STK10: variants seen among roughly 807,000 people sequenced by gnomAD.
The protein encoded by STK10 is serine/threonine kinase 10, also known as serine/threonine-protein kinase 10.
In STK10, 78 loss-of-function variants were observed where a neutral mutation model predicts 113.8. The observed-to-expected ratio is 0.69, with a 90% CI of 0.57 to 0.83. The LOEUF is 0.83. STK10 is among the 40% of genes least tolerant of loss of function. The pLI is 0.00. For missense variants in STK10, 1,109 were observed against 1,280.1 expected (o/e 0.87, Z 2.04); for synonymous variants, 465 against 494.7 (o/e 0.94, Z 0.80).
At chr5:172,159,941 T>G (rs757543028) in intron 1 of STK10, among the ~76,000 whole-genome samples, 26 of 149,916 alleles carry the variant, frequency 1.7e-4, no homozygotes, top group Non-Finnish European at 3.4e-4. Context: ...TTTGAGACCA[T>G]CCTGACCAAC....
chr5:172,046,253 G>A (rs1367524825), intron 18 of STK10, among the ~76,000 whole-genome samples: 1 of 151,522 alleles, frequency 6.6e-6, no homozygotes, highest in Non-Finnish European at 1.5e-5. Context: ...CCAGCTACTT[G>A]GGAGGCTGAG....
chr5:172,124,774 G>A (rs969441817), intron 3 of STK10, among the ~76,000 whole-genome samples: 7 of 152,112 alleles, frequency 4.6e-5, no homozygotes, highest in African/African-American at 1.4e-4. Context: ...TGTATCCTGT[G>A]AGGTCAACTC....
chr5:172,125,942 T>A lies in STK10; in HGVS notation c.370+1431A>T, dbSNP rs558685935. Among the ~76,000 whole-genome samples, 6 of 152,382 alleles carry A rather than the reference T, an allele frequency of 3.9e-5. 1 individual carries two copies. The South Asian group carries it at 1.2e-3, about 32-fold the overall frequency. ...GGATTTGAGACTTTAGGCATTTTGC[T>A]CTTTTTGGATTTCAACATTCAGGTT... On this transcript the variant is annotated intron_variant, in intron 3 of 18. Coordinates refer to ENST00000176763, the MANE Select transcript of STK10 (RefSeq NM_005990.4).
chr5:172,061,510 G>A (rs1478336342), intron 13 of STK10: 6 of 392,816 alleles, frequency 1.5e-5, no homozygotes, highest in African/African-American at 4.2e-5. Flanking sequence ...GGAGTGCAGT[G>A]GCATGATCTC....
intron 4 of STK10, among the ~76,000 whole-genome samples, chr5:172,109,662 G>A (rs754354540): frequency 2.6e-5 from 4 of 152,044 alleles, no homozygotes; most frequent in Admixed American, 1.3e-4. Context: ...TCACACACCC[G>A]CTGCTAAGAG....
Position 172,096,593 on chromosome 5 carries a change from A to C in STK10, c.871-33T>G, listed in dbSNP as rs1346100986. On this transcript the variant is annotated intron_variant, in intron 7 of 18. Transcript: ENST00000176763. ...GGCAAGATGCACCCAGATTAGAACC[A>C]CTCTGGGGTCACGGTGGGGTGGAAG... is the stretch of plus-strand genomic sequence containing the variant. The C allele has an allele frequency of 3.1e-6, 5 of 1,599,376 alleles. No individual in the cohort carries two copies. In the African/African-American group the frequency reaches 5.4e-5, roughly 17 times the overall value.
At chr5:172,177,332 T>C (rs984791244) in intron 1 of STK10, among the ~76,000 whole-genome samples, 3 of 152,210 alleles carry the variant, frequency 2.0e-5, no homozygotes, top group African/African-American at 7.2e-5. Flanking sequence ...CTCCAAACTA[T>C]GTGAAATAAA....
intron 3 of STK10, among the ~76,000 whole-genome samples, chr5:172,125,819 C>T (rs1398907882): frequency 6.6e-6 from 1 of 152,156 alleles, no homozygotes; most frequent in Admixed American, 6.6e-5. Flanking sequence ...TTATATTTCT[C>T]AAATTCCCCT....
chr5:172,058,273 C>T (rs1400738973), intron 14 of STK10, among the ~76,000 whole-genome samples: 1 of 152,192 alleles, frequency 6.6e-6, no homozygotes, highest in East Asian at 1.9e-4. Flanking sequence ...ATCAGAACCA[C>T]AGTTCTGTAA....
intron 18 of STK10, among the ~76,000 whole-genome samples, chr5:172,048,827 A>G (rs1458211873): frequency 6.7e-6 from 1 of 150,146 alleles, no homozygotes; most frequent in Non-Finnish European, 1.5e-5. Flanking sequence ...GACTTTACGC[A>G]GGCCCCCCAC....
intron 1 of STK10, among the ~76,000 whole-genome samples, chr5:172,181,599 C>T (rs1048764066): frequency 5.0e-4 from 76 of 151,664 alleles, no homozygotes; most frequent in Non-Finnish European, 7.4e-5. Context: ...TCTCCTGCCT[C>T]ACCCTCCCTG....
intron 9 of STK10, among the ~76,000 whole-genome samples, chr5:172,091,533 T>C (rs1768706013): frequency 7.3e-6 from 1 of 137,446 alleles, no homozygotes. Flanking sequence ...CAAAGCCTCT[T>C]TTTTTTTTTT....
rs10069791 is a variant in STK10 at position 172,133,027 on chromosome 5, C to T, written c.322-5606G>A. On this transcript the variant is annotated intron_variant, in intron 2 of 18. Transcript: ENST00000176763. The surrounding 1 kb of genome is among the most constrained non-coding windows in gnomAD (Gnocchi z 4.9). ...TACCACGTGGGGAAGGGTAAAGGCA[C>T]TCCTGGCAGAACACAGAAGCAGAGG... Among the ~76,000 whole-genome samples the T allele has an allele frequency of 0.31, 47,054 of 152,088 alleles. 8,527 individuals carry two copies. The highest frequency in any genetic ancestry group is 0.51 in the African/African-American group (21,154 of 41,452).
intron 1 of STK10, 125 bp from the exon 2 acceptor site, chr5:172,156,913 C>A: frequency 9.1e-7 from 1 of 1,099,862 alleles, no homozygotes. Context: ...TGAACCGGAA[C>A]GTACATTGTT....
At chr5:172,099,020 TCAC>T (rs1333682700) in intron 7 of STK10, among the ~76,000 whole-genome samples, 10 of 146,844 alleles carry the variant, frequency 6.8e-5, no homozygotes, top group East Asian at 5.9e-4. Flanking sequence ...ATCATCATCA[TCAC>T]CACCATCACC....
At chr5:172,108,006 G>T in intron 4 of STK10, 154 bp from the exon 5 acceptor site, 1 of 626,688 alleles carries the variant, frequency 1.6e-6, no homozygotes, top group Non-Finnish European at 2.8e-6. Context: ...ACTATCTGCT[G>T]CTGAGAGGAA....
intron 12 of STK10, among the ~76,000 whole-genome samples, chr5:172,073,063 T>TCCTGGGCTCAAGTGATCCTCTCTCA (rs1481107487): frequency 6.6e-6 from 1 of 152,192 alleles, no homozygotes; most frequent in Non-Finnish European, 1.5e-5. Flanking sequence ...AGCCTCGAAC[T>TCCTGGGCTCAAGTGATCCTCTCTCA]CCTGGGCTCA....
chr5:172,182,001 T>C (rs1770865593), intron 1 of STK10, among the ~76,000 whole-genome samples: 1 of 152,042 alleles, frequency 6.6e-6, no homozygotes, highest in Admixed American at 6.6e-5. Flanking sequence ...TGCAAAACAA[T>C]AAATCTTTTA....
chr5:172,045,766 T>G (rs1194972599), intron 18 of STK10, among the ~76,000 whole-genome samples: 1 of 152,118 alleles, frequency 6.6e-6, no homozygotes, highest in Non-Finnish European at 1.5e-5. Flanking sequence ...CTTGGCTCAC[T>G]GCAAATTCAG....
Sources: allele counts gnomAD v4.1 joint callset (sites outside exome capture counted in the v4.1 genomes callset), GRCh38; gene constraint gnomAD v4.1.1; non-coding constraint Gnocchi (gnomAD v3.1); transcripts MANE v1.5; gene names NCBI Gene and HGNC (gene_info 2026-07-23, HGNC 2026-07-21).